The following WIZ variants were observed in gnomAD, a reference collection of about 807,000 sequenced individuals.
WIZ encodes the protein WIZ zinc finger, also known as protein Wiz.
Under a neutral mutation model 140.2 loss-of-function variants are expected in WIZ, and 25 were observed. The observed-to-expected ratio is 0.18, with a 90% CI of 0.13 to 0.25. WIZ has a LOEUF of 0.25. WIZ is among the 10% of genes least tolerant of loss of function. WIZ has a pLI of 1.00. For synonymous variants in WIZ, 1,125 were observed against 1,154.3 expected, an observed-to-expected ratio of 0.97 and a Z score of 0.51; for missense variants, 2,231 against 2,632.6, an observed-to-expected ratio of 0.85 and a Z score of 3.34.
chr19:15,448,745 G>A (rs1458884630), intron 1 of WIZ, among the ~76,000 whole-genome samples: 2 of 151,908 alleles, frequency 1.3e-5, no homozygotes, highest in African/African-American at 2.4e-5. Flanking sequence ...CCATGCACAC[G>A]CACATCCTAC....
At chr19:15,447,186 G>A (rs1301109793) in intron 2 of WIZ, among the ~76,000 whole-genome samples, 3 of 152,132 alleles carry the variant, frequency 2.0e-5, no homozygotes, top group Non-Finnish European at 4.4e-5. Context: ...TGGGGGGTGT[G>A]ATACATCAGC....
In WIZ at chr19:15,439,261, C is replaced by T; in HGVS notation, c.1733G>A (p.Arg578Lys). 1.3e-6 allele frequency: 2 copies of T among 1,534,920 alleles called. No homozygotes were observed. The highest frequency in any genetic ancestry group is 1.7e-6 in the Non-Finnish European group (2 of 1,146,196). The stretch of plus-strand genomic sequence containing the variant: ...TGCTAGTGTGGAGGGAAAGGCCAGC[C>T]TTCCGAGAGGCCTCTGGCCCGTGCC... ...LHGTGQRPLG[R>K]LAFPSTLAST... is the part of the protein sequence containing the mutation. Residue 578 changes from arginine to lysine, a missense_variant, in exon 4 of 13, where the codon AGG becomes AAG. This residue lies in a region of WIZ where 475 missense variants were observed against 520.2 expected (regional missense o/e 0.91). Coordinates refer to ENST00000673675, the MANE Select transcript of WIZ (RefSeq NM_001371589.1). This position sits in a 1 kb window ranked among gnomAD's most constrained non-coding sequence, Gnocchi z 7.0.
rs904275188 is a variant in WIZ, at chr19:15,436,791, G to A, written c.2740+15C>T. ...GAAGGATGGGGCTCCAGCACAGCCC[G>A]TCCCCTCCCCTTACCATCTCCATAG... On this transcript the variant is annotated intron_variant, in intron 5 of 12. Coordinates refer to ENST00000673675, the MANE Select transcript of WIZ (RefSeq NM_001371589.1). 5 of 1,555,156 alleles carry A rather than the reference G, an allele frequency of 3.2e-6. No homozygotes were observed. Among genetic ancestry groups the A allele is most frequent in the African/African-American group, 2.8e-5 (2 of 71,546 alleles).
Position 15,425,424 on chromosome 19 carries a change from C to T in WIZ, c.4711G>A (p.Glu1571Lys). 2.6e-6 allele frequency: 4 copies of T among 1,562,144 alleles called. No individual in the cohort carries two copies. Among genetic ancestry groups the T allele is most frequent in the Non-Finnish European group, 2.6e-6 (3 of 1,153,136 alleles). ...PGAGPAQVPR[E>K]LSLTPITGAK... Reference sequence around the variant, plus strand: ...CCAGTGATGGGCGTCAGGCTGAGCTCACGAGGAACCTGGGCCGGCCCTGCA... The same window carrying T: ...CCAGTGATGGGCGTCAGGCTGAGCTTACGAGGAACCTGGGCCGGCCCTGCA... The change falls in exon 10 of 13, where the codon GAG (glutamate) becomes AAG (lysine). Residue 1571 changes from glutamate (E) to lysine (K), a missense_variant. Physicochemically the swap from Glu to Lys is moderately conservative, Grantham distance 56. Transcript: ENST00000673675.
chr19:15,446,320 G>C (rs546516186), intron 2 of WIZ, among the ~76,000 whole-genome samples: 5 of 152,254 alleles, frequency 3.3e-5, no homozygotes, highest in African/African-American at 1.2e-4. Context: ...ACCAGACCCA[G>C]AGAGGACCCT....
In WIZ at chr19:15,424,570, A is replaced by G; in HGVS notation, c.5314+43T>C. Reference sequence around the variant, plus strand: ...TGGGGAGTGGCTGGGTGGGCCTGACAGGTGCCCGCTGCGCTCCCGACCCTC... The same window carrying G: ...TGGGGAGTGGCTGGGTGGGCCTGACGGGTGCCCGCTGCGCTCCCGACCCTC... On this transcript the variant is annotated intron_variant, in intron 11 of 12. Coordinates refer to ENST00000673675, the MANE Select transcript of WIZ (RefSeq NM_001371589.1). The surrounding 1 kb of genome is among the most constrained non-coding windows in gnomAD (Gnocchi z 9.7). 1 of 1,548,580 alleles carries G rather than the reference A, an allele frequency of 6.5e-7. No individual in the cohort carries two copies. Among genetic ancestry groups the G allele is most frequent in the South Asian group, 1.2e-5 (1 of 83,232 alleles).
At position 15,425,448 on chromosome 19, in the gene WIZ, C is replaced by A. The variant is rs760958826; in HGVS notation, c.4687G>T (p.Ala1563Ser). 6.3e-7 allele frequency: 1 copy of A among 1,580,602 alleles called. No homozygotes were observed. Among genetic ancestry groups the A allele is most frequent in the African/African-American group, 1.3e-5 (1 of 74,204 alleles). Residue 1563 changes from alanine (A) to serine (S), a missense_variant, in exon 10 of 13, where the codon GCA becomes TCA. Transcript: ENST00000673675. ...TCACGAGGAACCTGGGCCGGCCCTG[C>A]ACCTGGTTTGCCTGGCCGGCCAGCC... ...PLAGRPGKPGAGPAQVPRELS... is the reference protein window; with the variant it reads ...PLAGRPGKPGSGPAQVPRELS...
In WIZ at chr19:15,429,972, C is replaced by T; in HGVS notation, c.3029G>A (p.Gly1010Asp). The T allele has an allele frequency of 1.3e-6, 2 of 1,536,008 alleles. No individual in the cohort carries two copies. The highest frequency in any genetic ancestry group is 1.7e-6 in the Non-Finnish European group (2 of 1,146,822). The change falls in exon 7 of 13, where the codon GGC becomes GAC. Residue 1010 changes from glycine (G) to aspartate (D), a missense_variant. Gly to Asp is a moderately conservative substitution (Grantham distance 94). Coordinates refer to ENST00000673675, the MANE Select transcript of WIZ (RefSeq NM_001371589.1). ...QLGVAESESS[G>D]APIDLLYELV... ...CTCGTAGAGGAGGTCGATGGGTGCG[C>T]CGCTGCTTTCCGACTCTGCCACTCC... is the stretch of plus-strand genomic sequence containing the variant.
Position 15,421,060 on chromosome 19 carries a change from G to A in WIZ, c.*2016C>T, listed in dbSNP as rs1968350070. 3 of 152,034 alleles carry A rather than the reference G, an allele frequency of 2.0e-5. No individual in the cohort carries two copies. Among genetic ancestry groups the A allele is most frequent in the African/African-American group, 2.4e-5 (1 of 41,376 alleles). The allele number at this position is 152,034 out of a possible 1,614,324, so 9.4% of individuals were successfully genotyped here. A position where few individuals can be genotyped will look rare whatever the true frequency, so the allele number is the denominator to read the frequency against. On this transcript the variant is annotated 3_prime_UTR_variant, in exon 13 of 13. Coordinates refer to ENST00000673675, the MANE Select transcript of WIZ (RefSeq NM_001371589.1). ...GAACCCAGGAGGCAGAGACTGCAGC[G>A]AGCCGAGGTCCCTACACTGCACTCC... is the stretch of plus-strand genomic sequence containing the variant.
intron 2 of WIZ, among the ~76,000 whole-genome samples, chr19:15,446,108 C>A (rs931956043): frequency 1.3e-5 from 2 of 152,194 alleles, no homozygotes; most frequent in Non-Finnish European, 2.9e-5. Flanking sequence ...CTGCCCCCAG[C>A]TGCTGAGGGA....
intron 9 of WIZ, among the ~76,000 whole-genome samples, chr19:15,426,462 C>G (rs1280980877): frequency 6.6e-6 from 1 of 152,194 alleles, no homozygotes; most frequent in Non-Finnish European, 1.5e-5. Flanking sequence ...CTCAAGAAAA[C>G]CAGACAGAGT....
chr19:15,425,446 T>C lies in WIZ; in HGVS notation c.4689A>G (p.Ala1563=). Reference sequence around the variant, plus strand: ...GCTCACGAGGAACCTGGGCCGGCCCTGCACCTGGTTTGCCTGGCCGGCCAG... The same window carrying C: ...GCTCACGAGGAACCTGGGCCGGCCCCGCACCTGGTTTGCCTGGCCGGCCAG... ...PLAGRPGKPG[A]GPAQVPRELS... is the part of the protein sequence containing the mutation. The change falls in exon 10 of 13, where the codon GCA becomes GCG. Residue 1563 remains alanine, a synonymous_variant. Transcript: ENST00000673675. The C allele has an allele frequency of 2.5e-6, 4 of 1,578,748 alleles. No individual in the cohort carries two copies. The highest frequency in any genetic ancestry group is 2.3e-5 in the East Asian group (1 of 43,008).
In WIZ at chr19:15,422,771, G is replaced by T. The variant is rs1599638200; in HGVS notation, c.*305C>A. 25 of 441,638 alleles carry T rather than the reference G, an allele frequency of 5.7e-5. No homozygotes were observed. Among genetic ancestry groups the T allele is most frequent in the Non-Finnish European group, 8.1e-6 (2 of 245,606 alleles). The allele number at this position is 441,638 out of a possible 1,614,324, so 27.4% of individuals were successfully genotyped here. A position where few individuals can be genotyped will look rare whatever the true frequency, so the allele number is the denominator to read the frequency against. On this transcript the variant is annotated 3_prime_UTR_variant, in exon 13 of 13. Coordinates refer to ENST00000673675, the MANE Select transcript of WIZ (RefSeq NM_001371589.1). ...CGCCCTGCCTGGCTGCTAGACGGGG[G>T]AGTGCTGTCCTCCCCTGTGACCAGA...
chr19:15,444,819 G>A (rs900590805), intron 2 of WIZ, among the ~76,000 whole-genome samples: 1 of 152,126 alleles, frequency 6.6e-6, no homozygotes, highest in African/African-American at 2.4e-5. Context: ...TGGGTCTGAG[G>A]GTCCCGGGCA....
chr19:15,433,432 G>C (rs544805524), intron 5 of WIZ: 171 of 857,750 alleles, frequency 2.0e-4, no homozygotes, highest in Non-Finnish European at 2.3e-4. Flanking sequence ...TGCAGCGCCA[G>C]TGCCCAGACC....
In WIZ at chr19:15,427,204, G is replaced by A. The variant is rs780785404; in HGVS notation, c.4144C>T (p.Pro1382Ser). Residue 1382 changes from proline (P) to serine (S), a missense_variant, in exon 9 of 13, where the codon CCG becomes TCG. Pro to Ser is a moderately conservative substitution (Grantham distance 74, BLOSUM62 -1). This residue lies in a region of WIZ where 393 missense variants were observed against 451.7 expected (regional missense o/e 0.87). Transcript: ENST00000673675. The surrounding 1 kb of genome is among the most constrained non-coding windows in gnomAD (Gnocchi z 6.4). ...GGTGAGTGGCCCAGGGGGCTGCCCGGTGGTGGTGGCAACTTCTTGGCCAAG... is the reference window on the plus strand; with the variant it reads ...GGTGAGTGGCCCAGGGGGCTGCCCGATGGTGGTGGCAACTTCTTGGCCAAG... Reference protein sequence around the residue: ...SPLAKKLPPPPGSPLGHSPTA... With the variant: ...SPLAKKLPPPSGSPLGHSPTA... 8.7e-6 allele frequency: 14 copies of A among 1,614,216 alleles called. No individual in the cohort carries two copies. Among genetic ancestry groups the A allele is most frequent in the Middle Eastern group, 1.7e-4 (1 of 6,058 alleles).
rs1231440847 is a variant in WIZ, at chr19:15,431,194, G to A, written c.2741-12C>T. On this transcript the variant is annotated splice_polypyrimidine_tract_variant and intron_variant, in intron 5 of 12. Transcript: ENST00000673675. ...CTCAGAACCCAGGCCTGTGGGTTGG[G>A]GAGACAGGCTCAGCCCAGACAAATT... 6.6e-7 allele frequency: 1 copy of A among 1,504,624 alleles called. No homozygotes were observed. The highest frequency in any genetic ancestry group is 2.5e-5 in the East Asian group (1 of 39,660). 93.2% of individuals were successfully genotyped at this position (1,504,624 alleles called of 1,614,324 possible).
chr19:15,430,485 C>T (rs1374978304), intron 6 of WIZ, among the ~76,000 whole-genome samples: 1 of 152,144 alleles, frequency 6.6e-6, no homozygotes, highest in African/African-American at 2.4e-5. Context: ...AACTCCTGCC[C>T]GAAACACTGG....
intron 1 of WIZ, among the ~76,000 whole-genome samples, chr19:15,449,288 GC>G (rs1223964778): frequency 1.3e-5 from 2 of 152,004 alleles, no homozygotes; most frequent in Non-Finnish European, 2.9e-5. Flanking sequence ...TGCAGGCGCT[GC>G]CCTCGGGGGC....
Sources: gnomAD v4.1 joint callset for allele counts (sites outside exome capture counted in the v4.1 genomes callset) on GRCh38, gnomAD v4.1.1 for gene constraint, gnomAD v4.1.1 regional missense constraint, Gnocchi (gnomAD v3.1) non-coding constraint, MANE v1.5 for transcripts, NCBI Gene and HGNC (gene_info 2026-07-23, HGNC 2026-07-21) for gene names.